MYO1D: variants seen among roughly 807,000 people sequenced by gnomAD.
MYO1D encodes myosin ID.
A neutral mutation model predicts 122.0 loss-of-function variants in MYO1D; 83 were observed. That is an observed-to-expected ratio of 0.68 (90% CI 0.57 to 0.82). The LOEUF is 0.82. MYO1D is among the 40% of genes least tolerant of loss of function. The pLI is 0.00. For missense variants in MYO1D, 1,157 were observed against 1,269.5 expected, an observed-to-expected ratio of 0.91 and a Z score of 1.35; for synonymous variants, 464 against 446.9, an observed-to-expected ratio of 1.04 and a Z score of -0.48.
chr17:32,525,561 C>T (rs1910313721), intron 21 of MYO1D, among the ~76,000 whole-genome samples: 1 of 151,736 alleles, frequency 6.6e-6, no homozygotes, highest in African/African-American at 2.4e-5. Flanking sequence ...GGGGACAGTT[C>T]CAGAACCCTG....
At chr17:32,532,847 A>G (rs1029887772) in intron 21 of MYO1D, among the ~76,000 whole-genome samples, 1 of 151,960 alleles carries the variant, frequency 6.6e-6, no homozygotes, top group Non-Finnish European at 1.5e-5. Flanking sequence ...CTTTATCTAC[A>G]CTAAGGTTAT....
intron 7 of MYO1D, 22 bp from the exon 8 acceptor site, chr17:32,765,103 T>G (rs1391524617): frequency 1.9e-6 from 3 of 1,567,246 alleles, no homozygotes; most frequent in East Asian, 2.2e-5. Context: ...GTGAAAAAAA[T>G]AACACATTAT....
intron 1 of MYO1D, among the ~76,000 whole-genome samples, chr17:32,808,552 T>C (rs1808662500): frequency 1.3e-5 from 2 of 152,104 alleles, no homozygotes; most frequent in African/African-American, 2.4e-5. Context: ...GCACTATGAA[T>C]GGAATATTTG....
intron 1 of MYO1D, among the ~76,000 whole-genome samples, chr17:32,787,709 G>A (rs1447071829): frequency 6.6e-6 from 1 of 152,130 alleles, no homozygotes; most frequent in Non-Finnish European, 1.5e-5. Flanking sequence ...GAGCCACGGT[G>A]CCAGGCCTGG....
chr17:32,534,403 C>T (rs1910598718), intron 21 of MYO1D, among the ~76,000 whole-genome samples: 1 of 152,068 alleles, frequency 6.6e-6, no homozygotes, highest in Non-Finnish European at 1.5e-5. Context: ...GAAGTCCTGG[C>T]CTCAAGTGAT....
At chr17:32,610,710 TACACTC>T (rs369449839) in intron 20 of MYO1D, among the ~76,000 whole-genome samples, 163 of 152,310 alleles carry the variant, frequency 1.1e-3, no homozygotes, top group African/African-American at 3.6e-3. Context: ...TCGAGGGTCT[TACACTC>T]TAAGTGAAAA....
intron 14 of MYO1D, among the ~76,000 whole-genome samples, chr17:32,728,576 CCA>C (rs2089602326): frequency 6.6e-6 from 1 of 152,066 alleles, no homozygotes; most frequent in African/African-American, 2.4e-5. Flanking sequence ...AAAATTGAAA[CCA>C]CACAGAGTAT....
chr17:32,550,522 C>T lies in MYO1D; in HGVS notation c.2864+54565G>A, dbSNP rs370170036. 3.9e-5 allele frequency among the ~76,000 whole-genome samples: 6 copies of T among 152,282 alleles called. No homozygotes were observed. In the South Asian group the frequency reaches 1.2e-3, roughly 32 times the overall value. ...TAAAGCAAAATTTTCCACAGCTAATCACAGAGGATTAGTAAGGCCTCTATA... is the reference window on the plus strand; with the variant it reads ...TAAAGCAAAATTTTCCACAGCTAATTACAGAGGATTAGTAAGGCCTCTATA... On this transcript the variant is annotated intron_variant, in intron 21 of 21. Coordinates refer to ENST00000318217, the MANE Select transcript of MYO1D (RefSeq NM_015194.3).
At chr17:32,828,970 G>A (rs1184763914) in intron 1 of MYO1D, among the ~76,000 whole-genome samples, 1 of 152,120 alleles carries the variant, frequency 6.6e-6, no homozygotes, top group Non-Finnish European at 1.5e-5. Flanking sequence ...GCAGACCTTG[G>A]GTCTGACTCC....
At chr17:32,585,243 T>C (rs62062520) in intron 21 of MYO1D, among the ~76,000 whole-genome samples, 14,433 of 152,260 alleles carry the variant, frequency 0.095, 724 homozygotes, top group East Asian at 0.15. Context: ...TTTCTTTTCT[T>C]CTTATACCCT....
chr17:32,690,703 A>G (rs1352339635), intron 16 of MYO1D, among the ~76,000 whole-genome samples: 1 of 152,088 alleles, frequency 6.6e-6, no homozygotes, highest in Non-Finnish European at 1.5e-5. Context: ...TGCTCTTGCC[A>G]TGTGATGCCT....
At chr17:32,810,473 C>T (rs1309967504) in intron 1 of MYO1D, among the ~76,000 whole-genome samples, 1 of 151,402 alleles carries the variant, frequency 6.6e-6, no homozygotes, top group Non-Finnish European at 1.5e-5. Flanking sequence ...AAGGTTAAGT[C>T]CGTAACTTTT....
intron 1 of MYO1D, among the ~76,000 whole-genome samples, chr17:32,824,066 C>CA (rs58786179): frequency 0.062 from 5,687 of 92,296 alleles, 370 homozygotes; most frequent in African/African-American, 0.15. Flanking sequence ...GACTCCGTCT[C>CA]AAAAAAAAAA....
At chr17:32,798,574 T>C (rs2151041518) in intron 1 of MYO1D, among the ~76,000 whole-genome samples, 1 of 152,324 alleles carries the variant, frequency 6.6e-6, no homozygotes, top group South Asian at 2.1e-4. Context: ...ACTGTAACTC[T>C]TTTGATGCCA....
At position 32,510,230 on chromosome 17, in the gene MYO1D, T is replaced by A. The variant is rs571633028; in HGVS notation, c.2865-15315A>T. 3 of 152,340 alleles carry A rather than the reference T, an allele frequency of 2.0e-5. No individual in the cohort carries two copies. The South Asian group carries it at 6.2e-4, about 32-fold the overall frequency. The allele number at this position is 152,340 out of a possible 1,614,324, so 9.4% of individuals were successfully genotyped here. A position where few individuals can be genotyped will look rare whatever the true frequency, so the allele number is the denominator to read the frequency against. ...CTAAAATGCTGTTCTAGCTCTTGCG[T>A]GGAGCATAGCCTCTGCAGCATGGAA... On this transcript the variant is annotated intron_variant, in intron 21 of 21. Coordinates refer to ENST00000318217, the MANE Select transcript of MYO1D (RefSeq NM_015194.3).
intron 1 of MYO1D, among the ~76,000 whole-genome samples, chr17:32,800,006 T>C (rs1387094619): frequency 1.3e-5 from 2 of 152,160 alleles, no homozygotes; most frequent in African/African-American, 4.8e-5. Flanking sequence ...CTCATACCTG[T>C]TAGACTGGCT....
chr17:32,536,118 C>T (rs1297716076), intron 21 of MYO1D, among the ~76,000 whole-genome samples: 1 of 151,920 alleles, frequency 6.6e-6, no homozygotes, highest in African/African-American at 2.4e-5. Context: ...CTGCAACCTC[C>T]GCCTCCTGGG....
At chr17:32,726,217 G>C (rs537892575) in intron 14 of MYO1D, among the ~76,000 whole-genome samples, 12 of 152,172 alleles carry the variant, frequency 7.9e-5, no homozygotes, top group African/African-American at 2.9e-4. Flanking sequence ...TCAGGGGTTT[G>C]AGACCAGCCT....
At chr17:32,728,975 ACT>A (rs949421449) in intron 14 of MYO1D, among the ~76,000 whole-genome samples, 59 of 152,308 alleles carry the variant, frequency 3.9e-4, no homozygotes, top group African/African-American at 1.3e-3. Context: ...TAGTGGGAAT[ACT>A]TTCTCTATAT....
Sources: allele counts gnomAD v4.1 joint callset (sites outside exome capture counted in the v4.1 genomes callset), GRCh38; gene constraint gnomAD v4.1.1; transcripts MANE v1.5; gene names NCBI Gene and HGNC (gene_info 2026-07-23, HGNC 2026-07-21).